Variants in RALGAPA1 observed in about 807,000 individuals in gnomAD.
RALGAPA1 encodes the protein ral GTPase-activating protein subunit alpha-1.
A neutral mutation model predicts 269.6 loss-of-function variants in RALGAPA1; 52 were observed. The observed-to-expected ratio is 0.19, with a 90% CI of 0.15 to 0.24. RALGAPA1 has a LOEUF of 0.24. Among genes scored for constraint, RALGAPA1 ranks in the 10% least tolerant of loss-of-function variants. The pLI is 1.00. For synonymous variants in RALGAPA1, 817 were observed against 1,008.3 expected (o/e 0.81, Z 3.60); for missense variants, 1,917 against 3,013.9 (o/e 0.64, Z 8.52).
At chr14:35,717,202 G>C (rs2068910062) in intron 16 of RALGAPA1, among the ~76,000 whole-genome samples, 1 of 152,162 alleles carries the variant, frequency 6.6e-6, no homozygotes, top group Admixed American at 6.5e-5. Context: ...CCAAGCTGGA[G>C]TGCAATGGTG....
intron 17 of RALGAPA1, among the ~76,000 whole-genome samples, chr14:35,699,186 CA>C (rs2140584487): frequency 6.6e-6 from 1 of 152,242 alleles, no homozygotes; most frequent in Non-Finnish European, 1.5e-5. Flanking sequence ...CCAAAGTTAA[CA>C]AAACAAGTAG....
At chr14:35,579,635 C>T (rs1256705308) in intron 37 of RALGAPA1, among the ~76,000 whole-genome samples, 2 of 151,854 alleles carry the variant, frequency 1.3e-5, no homozygotes, top group Admixed American at 6.6e-5. Context: ...ATTTTATTCC[C>T]TATACAATGA....
intron 2 of RALGAPA1, 38 bp downstream of exon 2, chr14:35,775,597 A>T: frequency 1.9e-6 from 3 of 1,542,654 alleles, no homozygotes; most frequent in Non-Finnish European, 2.6e-6. Flanking sequence ...AATTATTAGA[A>T]ATATTAACAT....
chr14:35,781,329 AAC>A (rs1011917070), intron 1 of RALGAPA1, among the ~76,000 whole-genome samples: 5 of 152,178 alleles, frequency 3.3e-5, no homozygotes, highest in Admixed American at 2.0e-4. Flanking sequence ...ATTCTGAAAC[AAC>A]CTACAATGAA....
rs571884621 is a variant in RALGAPA1, at chr14:35,580,252, A to T, written c.7210-7534T>A. 8.5e-5 allele frequency among the ~76,000 whole-genome samples: 13 copies of T among 152,346 alleles called. No individual in the cohort carries two copies. The South Asian group carries it at 2.3e-3, about 27-fold the overall frequency. On this transcript the variant is annotated intron_variant, in intron 37 of 41. Coordinates refer to ENST00000680220, the MANE Select transcript of RALGAPA1 (RefSeq NM_001346249.2). Reference sequence around the variant, plus strand: ...TGATCTTCATCAAACTTCTAAAAGGATGATTCAGCTACCTATGAAGCAGAG... The same window carrying T: ...TGATCTTCATCAAACTTCTAAAAGGTTGATTCAGCTACCTATGAAGCAGAG...
intron 12 of RALGAPA1, among the ~76,000 whole-genome samples, chr14:35,732,736 C>G (rs1191707639): frequency 6.6e-6 from 1 of 152,130 alleles, no homozygotes; most frequent in Non-Finnish European, 1.5e-5. Context: ...AACACTGCAG[C>G]TCCCAAATTT....
intron 39 of RALGAPA1, among the ~76,000 whole-genome samples, chr14:35,564,754 A>C (rs2056558963): frequency 1.3e-5 from 2 of 152,194 alleles, no homozygotes; most frequent in South Asian, 4.1e-4. Context: ...ATACTTCTAT[A>C]ATATACATAT....
At chr14:35,695,058 C>T (rs924387154) in intron 17 of RALGAPA1, among the ~76,000 whole-genome samples, 5 of 151,814 alleles carry the variant, frequency 3.3e-5, no homozygotes, top group East Asian at 1.9e-4. Context: ...CTAGGCTGGG[C>T]GACACAGCAA....
intron 37 of RALGAPA1, among the ~76,000 whole-genome samples, chr14:35,577,077 A>C (rs1362767442): frequency 6.6e-6 from 1 of 152,200 alleles, no homozygotes; most frequent in African/African-American, 2.4e-5. Flanking sequence ...TGGTGAACTC[A>C]TGGTGGCTCC....
At chr14:35,559,059 A>G (rs2055902437) in intron 39 of RALGAPA1, among the ~76,000 whole-genome samples, 1 of 152,124 alleles carries the variant, frequency 6.6e-6, no homozygotes, top group Non-Finnish European at 1.5e-5. Flanking sequence ...TAAAAACTGA[A>G]CCTTCTTTAC....
chr14:35,755,776 A>C (rs1405678393), intron 7 of RALGAPA1, among the ~76,000 whole-genome samples: 1 of 152,216 alleles, frequency 6.6e-6, no homozygotes, highest in African/African-American at 2.4e-5. Context: ...CCACACTATT[A>C]GTAAAATGTG....
intron 39 of RALGAPA1, among the ~76,000 whole-genome samples, chr14:35,566,092 G>T (rs1270542644): frequency 6.6e-6 from 1 of 151,892 alleles, no homozygotes; most frequent in Non-Finnish European, 1.5e-5. Context: ...CTAATTGCAT[G>T]ATTAAACTAA....
At chr14:35,572,396 C>G (rs1380745718) in intron 38 of RALGAPA1, among the ~76,000 whole-genome samples, 164 bp downstream of exon 38, 2 of 152,262 alleles carry the variant, frequency 1.3e-5, no homozygotes, top group African/African-American at 4.8e-5. Context: ...TCCTTCTGAA[C>G]CAGGCTTAGG....
chr14:35,629,182 CA>C (rs2061169378), intron 33 of RALGAPA1, among the ~76,000 whole-genome samples: 1 of 152,054 alleles, frequency 6.6e-6, no homozygotes, highest in African/African-American at 2.4e-5. Flanking sequence ...GAAGTAGGGA[CA>C]ACTAGCTGAC....
Position 35,652,256 on chromosome 14 carries a change from C to A in RALGAPA1, c.5608-383G>T, listed in dbSNP as rs564769811. Among the ~76,000 whole-genome samples the A allele has an allele frequency of 2.0e-5, 3 of 152,072 alleles. No homozygotes were observed. In the East Asian group the frequency reaches 5.8e-4, roughly 29 times the overall value. On this transcript the variant is annotated intron_variant, in intron 30 of 41. Transcript: ENST00000680220. ...CATAGGCTGGGCACGGTGGCTCAAA[C>A]CCACTTTGGGAGCTTGGGCGACAGA...
rs200986328 is a variant in RALGAPA1, at chr14:35,738,573, A to G, written c.1527T>C (p.His509=). ...GTTCTGTGGCTTCTTCAGAGGCGTT[A>G]TGAAGAGCACCTTGGTAGGAGCCGT... is the stretch of plus-strand genomic sequence containing the variant. ...AKNGSYQGAL[H]NASEEATEQN... Residue 509 remains histidine (H), a synonymous_variant, in exon 12 of 42, where the codon CAT becomes CAC. Coordinates refer to ENST00000680220, the MANE Select transcript of RALGAPA1 (RefSeq NM_001346249.2). 482 of 1,613,560 alleles carry G rather than the reference A, an allele frequency of 3.0e-4. 1 individual carries two copies. The highest frequency in any genetic ancestry group is 3.6e-4 in the Non-Finnish European group (425 of 1,179,804).
intron 35 of RALGAPA1, among the ~76,000 whole-genome samples, chr14:35,624,174 AC>A (rs1410454093): frequency 5.2e-4 from 76 of 147,564 alleles, no homozygotes; most frequent in African/African-American, 9.1e-4. Context: ...AAAAAAAAAA[AC>A]AACTTGGTAA....
chr14:35,549,277 C>A (rs898379447), intron 39 of RALGAPA1, 43 bp from the exon 40 acceptor site: 1 of 1,578,034 alleles, frequency 6.3e-7, no homozygotes, highest in Non-Finnish European at 8.6e-7. Flanking sequence ...GCAGCTTATA[C>A]TGGAAAAAAA....
intron 12 of RALGAPA1, among the ~76,000 whole-genome samples, chr14:35,735,063 A>G (rs1207067783): frequency 6.6e-6 from 1 of 151,966 alleles, no homozygotes; most frequent in Non-Finnish European, 1.5e-5. Flanking sequence ...AAAAAACACT[A>G]GATGCTGGCA....
Sources: gnomAD v4.1 joint callset for allele counts (sites outside exome capture counted in the v4.1 genomes callset) on GRCh38, gnomAD v4.1.1 for gene constraint, MANE v1.5 for transcripts, NCBI Gene and HGNC (gene_info 2026-07-23, HGNC 2026-07-21) for gene names.